Variants in DST observed in about 807,000 individuals in gnomAD.
DST encodes dystonin.
DST carries 253 observed loss-of-function variants against 875.2 expected under a neutral mutation model. That is an observed-to-expected ratio of 0.29 (90% confidence interval 0.26 to 0.32). The LOEUF is 0.32. Among genes scored for constraint, DST ranks in the 10% least tolerant of loss-of-function variants. DST has a pLI of 1.00. For missense variants in DST, 8,287 were observed against 9,111.6 expected (o/e 0.91, Z 3.68); for synonymous variants, 3,124 against 3,197.1 (o/e 0.98, Z 0.77).
intron 4 of DST, chr6:56,842,914 A>G: frequency 1.2e-6 from 1 of 800,132 alleles, no homozygotes; most frequent in Non-Finnish European, 1.7e-6. Context: ...ATCCCGTGCA[A>G]AAAGACCTGG....
At chr6:56,561,042 T>C (rs531332734) in intron 57 of DST, among the ~76,000 whole-genome samples, 24 of 152,294 alleles carry the variant, frequency 1.6e-4, no homozygotes, top group African/African-American at 5.3e-4. Flanking sequence ...GTTAACATCC[T>C]AGACTTAAAC....
chr6:56,585,881 C>G (rs1428879159), intron 49 of DST, among the ~76,000 whole-genome samples: 3 of 152,158 alleles, frequency 2.0e-5, no homozygotes, highest in Non-Finnish European at 4.4e-5. Context: ...GCAGGTTGTT[C>G]AGTTTCCATG....
chr6:56,646,356 T>G (rs762748777), intron 13 of DST, among the ~76,000 whole-genome samples, 174 bp from the exon 14 acceptor site: 7 of 152,190 alleles, frequency 4.6e-5, no homozygotes, highest in Non-Finnish European at 8.8e-5. Context: ...TGACGTGGGT[T>G]ATCTAAAATT....
Position 56,605,640 on chromosome 6 carries a change from G to A in DST, c.8988C>T (p.His2996=). 6.2e-7 allele frequency: 1 copy of A among 1,612,936 alleles called. No homozygotes were observed. The highest frequency in any genetic ancestry group is 8.5e-7 in the Non-Finnish European group (1 of 1,179,298). ...MTPKVDSSLD[H]IICTEPDLIG... Reference sequence around the variant, plus strand: ...TTAAATCAGGCTCAGTACAAATGATGTGATCAAGAGATGAGTCAACTTTTG... The same window carrying A: ...TTAAATCAGGCTCAGTACAAATGATATGATCAAGAGATGAGTCAACTTTTG... Residue 2996 remains histidine (H), a synonymous_variant, in exon 40 of 104, where the codon CAC becomes CAT. Transcript: ENST00000680361.
intron 4 of DST, among the ~76,000 whole-genome samples, chr6:56,746,938 G>A (rs1053230837): frequency 3.9e-5 from 6 of 152,152 alleles, no homozygotes; most frequent in African/African-American, 1.4e-4. Context: ...GGCTGCAGGA[G>A]GGAAGGCAAA....
intron 3 of DST, among the ~76,000 whole-genome samples, chr6:56,874,264 C>T (rs928645844): frequency 6.6e-6 from 1 of 152,106 alleles, no homozygotes; most frequent in African/African-American, 2.4e-5. Context: ...ACTTGAGCCC[C>T]GGAGTTCAAG....
chr6:56,655,854 C>T (rs1587904697), intron 10 of DST, among the ~76,000 whole-genome samples: 1 of 152,318 alleles, frequency 6.6e-6, no homozygotes, highest in East Asian at 1.9e-4. Flanking sequence ...ATCTTCATTT[C>T]TGTATTTACC....
intron 90 of DST, among the ~76,000 whole-genome samples, chr6:56,478,149 C>T (rs982280340): frequency 2.6e-5 from 4 of 152,000 alleles, no homozygotes; most frequent in East Asian, 1.9e-4. Context: ...AGAAACAATA[C>T]TGATTGACCA....
At chr6:56,642,189 C>T in intron 16 of DST, 88 bp from the exon 17 acceptor site, 1 of 1,150,242 alleles carries the variant, frequency 8.7e-7, no homozygotes, top group Non-Finnish European at 1.3e-6. Context: ...GGAACAGAAG[C>T]CTACTTGGGC....
intron 78 of DST, among the ~76,000 whole-genome samples, chr6:56,502,328 T>C (rs1342505036): frequency 6.6e-6 from 1 of 152,162 alleles, no homozygotes; most frequent in Non-Finnish European, 1.5e-5. Context: ...AAATATTTAT[T>C]TTAATATGTA....
chr6:56,486,960 A>G (rs984940448), intron 87 of DST, 144 bp downstream of exon 87: 3 of 613,928 alleles, frequency 4.9e-6, no homozygotes, highest in Non-Finnish European at 8.1e-6. Flanking sequence ...TGCAAGTGCT[A>G]TGTGTGTGGG....
rs371597519 is a variant in DST, at chr6:56,561,425, T to C, written c.14193A>G (p.Glu4731=). 1.3e-5 allele frequency: 21 copies of C among 1,613,824 alleles called. No individual in the cohort carries two copies. The highest frequency in any genetic ancestry group is 1.8e-5 in the Non-Finnish European group (21 of 1,179,834). ...TKLSKLQKAQ[E]ESSAMMQWLQ... ...ACCACTGCATCATTGCACTTGATTC[T>C]TCCTGAGCCTTTTGCAATTTGGAGA... Residue 4731 remains glutamate (E), a synonymous_variant, in exon 57 of 104, where the codon GAA becomes GAG. Transcript: ENST00000680361.
At chr6:56,878,247 G>A (rs959936390) in intron 3 of DST, among the ~76,000 whole-genome samples, 1 of 152,144 alleles carries the variant, frequency 6.6e-6, no homozygotes, top group Non-Finnish European at 1.5e-5. Context: ...AGAGAGGTTG[G>A]TGTGCATATC....
At position 56,832,278 on chromosome 6, in the gene DST, A is replaced by T. The variant is rs1479028914; in HGVS notation, c.625+19119T>A. On this transcript the variant is annotated intron_variant, in intron 4 of 103. Coordinates refer to ENST00000680361, the MANE Select transcript of DST (RefSeq NM_001374736.1). ...TTGTGGGAGGGACCCAGTGGGAGGT[A>T]ATCGAATCATGGGGGCAAGTCTTTT... is the stretch of plus-strand genomic sequence containing the variant. 2.6e-5 allele frequency among the ~76,000 whole-genome samples: 4 copies of T among 152,306 alleles called. No homozygotes were observed. The East Asian group carries it at 7.7e-4, about 29-fold the overall frequency.
chr6:56,686,063 C>A (rs1245701135), intron 9 of DST, among the ~76,000 whole-genome samples: 4 of 152,174 alleles, frequency 2.6e-5, no homozygotes, highest in Non-Finnish European at 5.9e-5. Context: ...CAACAATGGA[C>A]TGGATAAAGA....
At chr6:56,641,703 T>C (rs967240414) in intron 17 of DST, among the ~76,000 whole-genome samples, 1 of 152,240 alleles carries the variant, frequency 6.6e-6, no homozygotes, top group Non-Finnish European at 1.5e-5. Flanking sequence ...AGGGTATTCA[T>C]TTTAACGAGT....
chr6:56,492,803 C>A, intron 84 of DST, 131 bp downstream of exon 84: 1 of 762,742 alleles, frequency 1.3e-6, no homozygotes, highest in Non-Finnish European at 1.9e-6. Context: ...AACCGGGAGG[C>A]AGAGGTTGAA....
intron 4 of DST, among the ~76,000 whole-genome samples, chr6:56,786,996 C>T (rs1049566968): frequency 2.0e-5 from 3 of 152,212 alleles, no homozygotes; most frequent in Non-Finnish European, 4.4e-5. Flanking sequence ...CTAATATTCA[C>T]AGGATTATTA....
chr6:56,847,245 A>G (rs1035346876), intron 4 of DST, among the ~76,000 whole-genome samples: 20 of 152,286 alleles, frequency 1.3e-4, no homozygotes, highest in Admixed American at 2.6e-4. Context: ...CCTTGAGTCC[A>G]GGACTTAGAG....
Sources: allele counts gnomAD v4.1 joint callset (sites outside exome capture counted in the v4.1 genomes callset), GRCh38; gene constraint gnomAD v4.1.1; transcripts MANE v1.5; gene names NCBI Gene and HGNC (gene_info 2026-07-23, HGNC 2026-07-21).